Variants in KCNMA1 observed in about 807,000 individuals in gnomAD.
The protein encoded by KCNMA1 is Calcium-activated potassium channel subunit alpha-1.
Under a neutral mutation model 140.0 loss-of-function variants are expected in KCNMA1, and 29 were observed. That is an observed-to-expected ratio of 0.21 (90% confidence interval 0.15 to 0.28). The LOEUF (loss-of-function observed/expected upper bound fraction) is 0.28. KCNMA1 is among the 10% of genes least tolerant of loss of function. The pLI, the probability that KCNMA1 is intolerant of heterozygous loss-of-function variation, is 1.00. For synonymous variants in KCNMA1, 612 were observed against 611.9 expected (o/e 1.00, Z 0.00); for missense variants, 880 against 1,602.2 (o/e 0.55, Z 7.70).
rs1157563615 is a variant in KCNMA1, at chr10:77,108,577, G to T, written c.1132-5C>A. 1.9e-6 allele frequency: 3 copies of T among 1,607,438 alleles called. No individual in the cohort carries two copies. In the East Asian group the frequency reaches 6.7e-5, roughly 36 times the overall value. On this transcript the variant is annotated splice_region_variant and splice_polypyrimidine_tract_variant and intron_variant, in intron 8 of 27. Coordinates refer to ENST00000286628, the MANE Select transcript of KCNMA1 (RefSeq NM_001161352.2). The surrounding 1 kb of genome is among the most constrained non-coding windows in gnomAD (Gnocchi z 4.6). ...GACGTAGCTGGCAAACATGGCCTGA[G>T]AAGATAGGAGACAGAAGAGAGACTA...
intron 1 of KCNMA1, among the ~76,000 whole-genome samples, chr10:77,446,372 T>C (rs568987489): frequency 1.3e-4 from 20 of 152,310 alleles, no homozygotes; most frequent in African/African-American, 4.8e-4. Context: ...GCTGGTAGCT[T>C]CTGGCCCAGA....
intron 19 of KCNMA1, among the ~76,000 whole-genome samples, chr10:76,981,710 G>T (rs918474882): frequency 1.3e-5 from 2 of 152,168 alleles, no homozygotes; most frequent in African/African-American, 4.8e-5. Flanking sequence ...CTTCCCAGAT[G>T]ATTATGACAA....
chr10:77,573,637 GGAATGGAATA>G (rs1567636023), intron 1 of KCNMA1, among the ~76,000 whole-genome samples: 476 of 78,680 alleles, frequency 6.0e-3, no homozygotes, highest in South Asian at 8.0e-3. Flanking sequence ...GGAATGGAAT[GGAATGGAATA>G]GAATAGAATA....
chr10:76,944,691 G>A, intron 23 of KCNMA1, 82 bp downstream of exon 23: 1 of 1,328,154 alleles, frequency 7.5e-7, no homozygotes, highest in South Asian at 1.2e-5. Flanking sequence ...GAGCCTCTTT[G>A]AATTACTGAG....
At chr10:77,359,301 C>T (rs978446243) in intron 2 of KCNMA1, among the ~76,000 whole-genome samples, 1 of 152,064 alleles carries the variant, frequency 6.6e-6, no homozygotes, top group Non-Finnish European at 1.5e-5. Context: ...ACGAGTGTGT[C>T]GGTATGTGTG....
intron 2 of KCNMA1, among the ~76,000 whole-genome samples, chr10:77,331,531 CA>C (rs1349476797): frequency 6.6e-6 from 1 of 151,848 alleles, no homozygotes; most frequent in Non-Finnish European, 1.5e-5. Flanking sequence ...ATAAATATGA[CA>C]ATGGGCCAGG....
chr10:77,007,987 G>C (rs1231502258), intron 18 of KCNMA1, among the ~76,000 whole-genome samples: 1 of 152,064 alleles, frequency 6.6e-6, no homozygotes, highest in Admixed American at 6.6e-5. Flanking sequence ...AGGCTCCCTG[G>C]GGACTCTCTG....
intron 13 of KCNMA1, among the ~76,000 whole-genome samples, chr10:77,078,985 T>C (rs2096483665): frequency 6.6e-6 from 1 of 152,100 alleles, no homozygotes; most frequent in South Asian, 2.1e-4. Flanking sequence ...ACTAAAGAAA[T>C]GGGCCAGAGG....
chr10:77,078,692 C>T (rs1325971495), intron 13 of KCNMA1, among the ~76,000 whole-genome samples: 2 of 152,238 alleles, frequency 1.3e-5, no homozygotes, highest in Non-Finnish European at 2.9e-5. Context: ...TACACCTTAA[C>T]TGCTAAATCC....
At chr10:77,459,187 G>C (rs1224849020) in intron 1 of KCNMA1, among the ~76,000 whole-genome samples, 4 of 152,208 alleles carry the variant, frequency 2.6e-5, no homozygotes, top group African/African-American at 9.7e-5. Context: ...GGCATGGGCA[G>C]GGCATTCACA....
At chr10:77,382,548 T>A (rs192959944) in intron 2 of KCNMA1, among the ~76,000 whole-genome samples, 127 of 152,170 alleles carry the variant, frequency 8.3e-4, no homozygotes, top group African/African-American at 2.8e-3. Context: ...TTTACAACTC[T>A]ATGCAAATTT....
intron 3 of KCNMA1, among the ~76,000 whole-genome samples, chr10:77,234,663 T>C (rs1599521009): frequency 6.6e-6 from 1 of 152,342 alleles, no homozygotes; most frequent in East Asian, 1.9e-4. Flanking sequence ...ATGTGCTGTA[T>C]TAAGTGCTTG....
intron 1 of KCNMA1, among the ~76,000 whole-genome samples, chr10:77,499,436 T>TACACACAC (rs10672811): frequency 7.0e-6 from 1 of 142,902 alleles, no homozygotes; most frequent in Admixed American, 7.0e-5. Flanking sequence ...CACACACACA[T>TACACACAC]ACACACACAC....
intron 29 of KCNMA1, among the ~76,000 whole-genome samples, chr10:76,879,179 C>T (rs1273304223): frequency 6.6e-6 from 1 of 152,108 alleles, no homozygotes; most frequent in Non-Finnish European, 1.5e-5. Context: ...GCTTGTTTCT[C>T]CTCAGTTCCT....
intron 1 of KCNMA1, among the ~76,000 whole-genome samples, chr10:77,577,009 A>G (rs189736961): frequency 7.2e-5 from 11 of 152,302 alleles, no homozygotes; most frequent in Non-Finnish European, 1.5e-5. Context: ...GAAAGAATGG[A>G]GAAGAATGGA....
chr10:77,486,785 T>C (rs861662), intron 1 of KCNMA1, among the ~76,000 whole-genome samples: 92,887 of 152,090 alleles, frequency 0.61, 29,425 homozygotes, highest in East Asian at 0.79. Flanking sequence ...CTGTGCATAA[T>C]AAGAAGCAGC....
intron 1 of KCNMA1, among the ~76,000 whole-genome samples, chr10:77,491,539 C>T (rs564655331): frequency 1.3e-5 from 2 of 152,268 alleles, no homozygotes; most frequent in Non-Finnish European, 2.9e-5. Context: ...AGCAGGACAA[C>T]AGGGCAATGT....
chr10:77,025,538 A>G, intron 16 of KCNMA1: 1 of 1,167,280 alleles, frequency 8.6e-7, no homozygotes, highest in South Asian at 1.3e-5. Context: ...GAAGGAATAA[A>G]ACCTTTGTTT....
intron 16 of KCNMA1, among the ~76,000 whole-genome samples, chr10:77,021,471 A>G (rs146611931): frequency 4.3e-4 from 65 of 152,308 alleles, no homozygotes; most frequent in African/African-American, 1.4e-3. Context: ...ATCACCCTCC[A>G]CTTTGTCCCT....
Sources: allele counts gnomAD v4.1 joint callset (sites outside exome capture counted in the v4.1 genomes callset), GRCh38; gene constraint gnomAD v4.1.1; non-coding constraint Gnocchi (gnomAD v3.1); transcripts MANE v1.5; gene names NCBI Gene and HGNC (gene_info 2026-07-23, HGNC 2026-07-21).